MYH2: variants seen among roughly 807,000 people sequenced by gnomAD.
MYH2 encodes myosin heavy chain 2.
MYH2 carries 139 observed loss-of-function variants against 228.1 expected under a neutral mutation model. That is an observed-to-expected ratio of 0.61 (90% CI 0.53 to 0.70). The LOEUF (loss-of-function observed/expected upper bound fraction) is 0.70, where lower values mean the gene tolerates loss of function less well. Among genes scored for constraint, MYH2 ranks in the 30% least tolerant of loss-of-function variants. MYH2 has a pLI of 0.00. For missense variants in MYH2, 1,809 were observed against 2,357.5 expected (o/e 0.77, Z 4.82); for synonymous variants, 796 against 871.1 (o/e 0.91, Z 1.52).
chr17:10,548,081 C>T (rs532612884), intron 2 of MYH2, 141 bp from the exon 3 acceptor site: 256 of 745,894 alleles, frequency 3.4e-4, no homozygotes, highest in Non-Finnish European at 5.4e-4. Context: ...GTTACTGAGA[C>T]AAACATAATC....
At position 10,525,947 on chromosome 17, in the gene MYH2, T is replaced by A. The variant is rs2073347388; in HGVS notation, c.4188-71A>T. 6.6e-7 allele frequency: 1 copy of A among 1,514,028 alleles called. No homozygotes were observed. The highest frequency in any genetic ancestry group is 9.1e-7 in the Non-Finnish European group (1 of 1,102,834). 93.8% of individuals were successfully genotyped at this position (1,514,028 alleles called of 1,614,324 possible). ...AATTATGAGCTATTGCCACACACGC[T>A]GAAGAGTGTTAGAAACTTCACATTA... On this transcript the variant is annotated intron_variant, in intron 30 of 39. Coordinates refer to ENST00000245503, the MANE Select transcript of MYH2 (RefSeq NM_017534.6). The surrounding 1 kb of genome is among the most constrained non-coding windows in gnomAD (Gnocchi z 4.2).
chr17:10,547,683 A>G (rs2142325288), intron 3 of MYH2, 34 bp downstream of exon 3: 25 of 1,614,124 alleles, frequency 1.5e-5, no homozygotes, highest in Non-Finnish European at 2.1e-5. Flanking sequence ...ACAAAAATCA[A>G]TAAAATGTGG....
At chr17:10,539,848 C>T (rs914397087) in intron 12 of MYH2, 80 bp downstream of exon 12, 1 of 1,584,326 alleles carries the variant, frequency 6.3e-7, no homozygotes, top group Non-Finnish European at 8.7e-7. Context: ...ATTTACCTTC[C>T]CTAGGAAAAT....
At chr17:10,544,779 G>A (rs1227310847) in intron 5 of MYH2, among the ~76,000 whole-genome samples, 2 of 152,176 alleles carry the variant, frequency 1.3e-5, no homozygotes, top group Admixed American at 1.3e-4. Context: ...AATATTGTAG[G>A]AAGCAGATTC....
Position 10,525,836 on chromosome 17 carries a change from C to T in MYH2, c.4228G>A (p.Val1410Ile). 1 of 1,614,174 alleles carries T rather than the reference C, an allele frequency of 6.2e-7. No homozygotes were observed. The highest frequency in any genetic ancestry group is 8.5e-7 in the Non-Finnish European group (1 of 1,180,028). Residue 1410 changes from valine (V) to isoleucine (I), a missense_variant, in exon 31 of 40, where the codon GTA becomes ATA. By Grantham distance (29) the Val-to-Ile change is conservative (BLOSUM62 3). Coordinates refer to ENST00000245503, the MANE Select transcript of MYH2 (RefSeq NM_017534.6). This position sits in a 1 kb window ranked among gnomAD's most constrained non-coding sequence, Gnocchi z 4.2. Reference protein sequence around the residue: ...AQRLQAAEEHVEAVNAKCASL... With the variant: ...AQRLQAAEEHIEAVNAKCASL... ...GCACATTTGGCGTTCACAGCTTCTA[C>T]ATGTTCCTCAGCTGCCTGCAGCCGC... is the stretch of plus-strand genomic sequence containing the variant.
In MYH2 at chr17:10,528,047, C is replaced by T. The variant is rs865823276; in HGVS notation, c.3745-173G>A. On this transcript the variant is annotated intron_variant, in intron 27 of 39. Coordinates refer to ENST00000245503, the MANE Select transcript of MYH2 (RefSeq NM_017534.6). The stretch of plus-strand genomic sequence containing the variant: ...AATGCAGAAAAATTTTTCTTTCTTT[C>T]TTTTTTTTTTTTTTTGAGACAGAGT... Among the ~76,000 whole-genome samples the T allele has an allele frequency of 3.5e-3, 461 of 131,794 alleles. 2 individuals carry two copies. The highest frequency in any genetic ancestry group is 0.011 in the African/African-American group (395 of 36,108). 86.5% of individuals were successfully genotyped at this position (131,794 alleles called of 152,430 possible).
Position 10,548,367 on chromosome 17 carries a change from G to T in MYH2, c.-20-427C>A, listed in dbSNP as rs2073661284. ...GATACTTTGAAAAAGAGGTTTAAATGATGACTGAGAAAGTAATTTGAAATT... is the reference window on the plus strand; with the variant it reads ...GATACTTTGAAAAAGAGGTTTAAATTATGACTGAGAAAGTAATTTGAAATT... On this transcript the variant is annotated intron_variant, in intron 2 of 39. Coordinates refer to ENST00000245503, the MANE Select transcript of MYH2 (RefSeq NM_017534.6). 2.0e-5 allele frequency among the ~76,000 whole-genome samples: 3 copies of T among 152,288 alleles called. No individual in the cohort carries two copies. In the South Asian group the frequency reaches 6.2e-4, roughly 32 times the overall value.
At chr17:10,543,578 A>C in intron 8 of MYH2, 133 bp downstream of exon 8, 1 of 1,340,538 alleles carries the variant, frequency 7.5e-7, no homozygotes, top group Non-Finnish European at 1.0e-6. Context: ...CTATGTTATT[A>C]CATGCTCAGA....
At chr17:10,527,726 G>GCA in intron 28 of MYH2, 22 bp downstream of exon 28, 1 of 1,613,750 alleles carries the variant, frequency 6.2e-7, no homozygotes, top group African/African-American at 1.3e-5. Context: ...CCCTGAAGCT[G>GCA]CACAGAAGAG....
Position 10,533,545 on chromosome 17 carries a change from G to A in MYH2, c.2268C>T (p.Asp756=). Residue 756 remains aspartate (D), a synonymous_variant, in exon 20 of 40, where the codon GAC becomes GAT. Coordinates refer to ENST00000245503, the MANE Select transcript of MYH2 (RefSeq NM_017534.6). Reference sequence around the variant, plus strand: ...CAAATTTATACTGGGTGTGGTCAATGTCGATGGATGCAAGGAGCTTCTCAG... The same window carrying A: ...CAAATTTATACTGGGTGTGGTCAATATCGATGGATGCAAGGAGCTTCTCAG... ...KASEKLLASI[D]IDHTQYKFGH... The A allele has an allele frequency of 1.2e-6, 2 of 1,614,154 alleles. No homozygotes were observed. Among genetic ancestry groups the A allele is most frequent in the African/African-American group, 1.3e-5 (1 of 75,038 alleles).
intron 16 of MYH2, among the ~76,000 whole-genome samples, 179 bp from the exon 17 acceptor site, chr17:10,536,785 C>T (rs1461833133): frequency 6.6e-6 from 1 of 152,182 alleles, no homozygotes; most frequent in Admixed American, 6.5e-5. Context: ...GTGATTCTTT[C>T]TCCAGTGGGA....
At chr17:10,544,063 A>G in intron 6 of MYH2, 37 bp downstream of exon 6, 1 of 1,614,244 alleles carries the variant, frequency 6.2e-7, no homozygotes, top group Non-Finnish European at 8.5e-7. Context: ...CCTAGCAGCT[A>G]TCACAGCCAT....
Position 10,524,956 on chromosome 17 carries a change from T to A in MYH2, c.4772A>T (p.Gln1591Leu). ...GATTCTAATGTGGTTTCTCTTCAGC[T>A]GGTCAATTTCCTCATCTTTTTCAGC... ...KIAEKDEEID[Q>L]LKRNHIRIVE... is the part of the protein sequence containing the mutation. Residue 1591 changes from glutamine (Q) to leucine (L), a missense_variant, in exon 34 of 40, where the codon CAG becomes CTG. Transcript: ENST00000245503. The surrounding 1 kb of genome is among the most constrained non-coding windows in gnomAD (Gnocchi z 4.7). 4 of 1,614,198 alleles carry A rather than the reference T, an allele frequency of 2.5e-6. No homozygotes were observed. The highest frequency in any genetic ancestry group is 2.5e-6 in the Non-Finnish European group (3 of 1,180,042).
chr17:10,542,955 C>A lies in MYH2; in HGVS notation c.824G>T (p.Arg275Ile). The A allele has an allele frequency of 1.2e-6, 2 of 1,612,002 alleles. No individual in the cohort carries two copies. The highest frequency in any genetic ancestry group is 1.7e-6 in the Non-Finnish European group (2 of 1,178,298). The change falls in exon 10 of 40, where the codon AGA becomes ATA. Residue 275 changes from arginine (R) to isoleucine (I), a missense_variant. By Grantham distance (97) the Arg-to-Ile change is moderately conservative. This residue lies in a region of MYH2 where 373 missense variants were observed against 620.4 expected (regional missense o/e 0.60). Coordinates refer to ENST00000245503, the MANE Select transcript of MYH2 (RefSeq NM_017534.6). ...CTCAGCCTTAAGCTGGAAAACAACTCTAGACTTCTCTAGCAGATCTGGAAG... is the reference window on the plus strand; with the variant it reads ...CTCAGCCTTAAGCTGGAAAACAACTATAGACTTCTCTAGCAGATCTGGAAG... ...DIETYLLEKSRVVFQLKAERS... is the reference protein window; with the variant it reads ...DIETYLLEKSIVVFQLKAERS...
Position 10,525,614 on chromosome 17 carries a change from G to C in MYH2, c.4374C>G (p.Ile1458Met). 6.2e-7 allele frequency: 1 copy of C among 1,614,132 alleles called. No individual in the cohort carries two copies. The highest frequency in any genetic ancestry group is 8.5e-7 in the Non-Finnish European group (1 of 1,180,028). Residue 1458 changes from isoleucine to methionine, a missense_variant and splice_region_variant, in exon 32 of 40, where the codon ATC becomes ATG. This residue lies in a region of MYH2 where 636 missense variants were observed against 729.9 expected (regional missense o/e 0.87). Coordinates refer to ENST00000245503, the MANE Select transcript of MYH2 (RefSeq NM_017534.6). This position sits in a 1 kb window ranked among gnomAD's most constrained non-coding sequence, Gnocchi z 4.2. ...LDKKQRNFDK[I>M]LAEWKQKCEE... ...CACATTTCTGTTTCCATTCTGCCAG[G>C]ATCTGAAAAACCAAGACCTGTTACC...
chr17:10,540,952 C>T (rs1014757878), intron 10 of MYH2, among the ~76,000 whole-genome samples: 8 of 152,184 alleles, frequency 5.3e-5, no homozygotes, highest in Non-Finnish European at 1.0e-4. Context: ...GTGACGATTT[C>T]ATGGACATTT....
At chr17:10,527,677 C>T in intron 28 of MYH2, 71 bp downstream of exon 28, 2 of 1,609,356 alleles carry the variant, frequency 1.2e-6, no homozygotes, top group African/African-American at 1.3e-5. Context: ...GCTCCCACTT[C>T]ACCAAATCAG....
chr17:10,547,971 G>A, intron 2 of MYH2, 31 bp from the exon 3 acceptor site: 1 of 1,571,514 alleles, frequency 6.4e-7, no homozygotes, highest in Non-Finnish European at 8.7e-7. Flanking sequence ...ACATTAGAGA[G>A]TCTGGATTGC....
chr17:10,534,718 A>G (rs1431591347), intron 19 of MYH2, among the ~76,000 whole-genome samples: 1 of 152,232 alleles, frequency 6.6e-6, no homozygotes, highest in East Asian at 1.9e-4. Flanking sequence ...GGAGTTTGAG[A>G]CTAGCCTGGC....
Sources: allele counts gnomAD v4.1 joint callset (sites outside exome capture counted in the v4.1 genomes callset), GRCh38; gene constraint gnomAD v4.1.1; regional missense constraint gnomAD v4.1.1; non-coding constraint Gnocchi (gnomAD v3.1); transcripts MANE v1.5; gene names NCBI Gene and HGNC (gene_info 2026-07-23, HGNC 2026-07-21).